The following MEI4 variants were observed in gnomAD, a reference collection of about 807,000 sequenced individuals.
MEI4 encodes the protein meiotic double-stranded break formation protein 4.
A neutral mutation model predicts 31.4 loss-of-function variants in MEI4; 27 were observed. The observed-to-expected ratio is 0.86, with a 90% confidence interval of 0.63 to 1.19. The LOEUF (loss-of-function observed/expected upper bound fraction) is 1.19. Ranked by LOEUF, MEI4 falls within the 50% of genes most tolerant of loss-of-function variation. The pLI is 0.00. For missense variants in MEI4, 329 were observed against 398.9 expected (o/e 0.82, Z 1.49); for synonymous variants, 122 against 145.4 (o/e 0.84, Z 1.16).
intron 2 of MEI4, among the ~76,000 whole-genome samples, chr6:77,727,628 G>C (rs1766861444): frequency 6.6e-6 from 1 of 152,196 alleles, no homozygotes; most frequent in Admixed American, 6.5e-5. Flanking sequence ...ATCTGTGATT[G>C]TCAGTAAGGT....
chr6:77,775,930 C>G (rs913898372), intron 3 of MEI4, among the ~76,000 whole-genome samples: 4 of 152,130 alleles, frequency 2.6e-5, no homozygotes, highest in African/African-American at 4.8e-5. Context: ...ATTTGCGCTT[C>G]CCTGATCATT....
At chr6:77,846,876 C>T (rs1371932201) in intron 4 of MEI4, among the ~76,000 whole-genome samples, 4 of 152,130 alleles carry the variant, frequency 2.6e-5, no homozygotes, top group Non-Finnish European at 5.9e-5. Context: ...GCCCCTCAAT[C>T]CCCCACCCTG....
intron 4 of MEI4, among the ~76,000 whole-genome samples, chr6:77,854,631 G>C (rs1287808122): frequency 1.3e-5 from 2 of 152,076 alleles, no homozygotes; most frequent in African/African-American, 4.8e-5. Context: ...TATCTACAGA[G>C]CTATATGTAG....
At chr6:77,699,393 C>A (rs944164735) in intron 2 of MEI4, among the ~76,000 whole-genome samples, 25 of 151,640 alleles carry the variant, frequency 1.6e-4, no homozygotes, top group African/African-American at 6.1e-4. Flanking sequence ...GGGGTTTCAC[C>A]GTTTTAGCCG....
chr6:77,848,003 C>T (rs1013106316), intron 4 of MEI4, among the ~76,000 whole-genome samples: 2 of 152,022 alleles, frequency 1.3e-5, no homozygotes, highest in African/African-American at 2.4e-5. Context: ...TGCAGGAATC[C>T]TTTGAGTTCT....
At chr6:77,800,810 G>A (rs1165014174) in intron 3 of MEI4, among the ~76,000 whole-genome samples, 4 of 152,124 alleles carry the variant, frequency 2.6e-5, no homozygotes, top group Non-Finnish European at 5.9e-5. Context: ...ATTTGCATAT[G>A]TTGAACCAGC....
chr6:77,915,344 A>G (rs879471172), intron 4 of MEI4, among the ~76,000 whole-genome samples: 58 of 152,136 alleles, frequency 3.8e-4, no homozygotes, highest in South Asian at 1.5e-3. Context: ...GAGTCTCATG[A>G]GATTTTGCTT....
chr6:77,797,125 T>C (rs1769100504), intron 3 of MEI4, among the ~76,000 whole-genome samples: 1 of 152,156 alleles, frequency 6.6e-6, no homozygotes, highest in Non-Finnish European at 1.5e-5. Context: ...GTTGGGAAAA[T>C]TGGATATCCA....
chr6:77,728,826 C>T (rs1766894606), intron 2 of MEI4, among the ~76,000 whole-genome samples: 1 of 152,176 alleles, frequency 6.6e-6, no homozygotes, highest in Non-Finnish European at 1.5e-5. Flanking sequence ...GAGGAAACAC[C>T]TGTTCCAGTG....
chr6:77,854,556 A>G (rs1042736686), intron 4 of MEI4, among the ~76,000 whole-genome samples: 5 of 152,068 alleles, frequency 3.3e-5, no homozygotes, highest in African/African-American at 1.2e-4. Flanking sequence ...TAAAGATAAG[A>G]AGGAGGAAAA....
In MEI4 at chr6:77,850,914, T is replaced by C. The variant is rs535870624; in HGVS notation, c.900+21852T>C. The stretch of plus-strand genomic sequence containing the variant: ...CGACAAAGGGCTAATATCCAGAATC[T>C]ACAAAGAACTCAAACAAATTTACAA... On this transcript the variant is annotated intron_variant, in intron 4 of 4. Coordinates refer to ENST00000684080, the MANE Select transcript of MEI4 (RefSeq NM_001322247.2). Among the ~76,000 whole-genome samples, 40 of 152,030 alleles carry C rather than the reference T, an allele frequency of 2.6e-4. 1 individual carries two copies. The South Asian group carries it at 8.3e-3, about 32-fold the overall frequency.
chr6:77,884,070 A>G (rs1771566261), intron 4 of MEI4, among the ~76,000 whole-genome samples: 1 of 151,936 alleles, frequency 6.6e-6, no homozygotes, highest in Non-Finnish European at 1.5e-5. Context: ...GTAAGATGAT[A>G]TCTCATTTTG....
intron 3 of MEI4, among the ~76,000 whole-genome samples, chr6:77,768,633 G>A (rs1030985191): frequency 6.6e-6 from 1 of 151,672 alleles, no homozygotes; most frequent in Admixed American, 6.6e-5. Flanking sequence ...CTGGGAGGCA[G>A]AGGTTGCAGT....
At chr6:77,920,858 C>G (rs564109534) in intron 4 of MEI4, among the ~76,000 whole-genome samples, 1 of 151,868 alleles carries the variant, frequency 6.6e-6, no homozygotes, top group African/African-American at 2.4e-5. Flanking sequence ...AGCTGTAAGT[C>G]TCAACAGTAG....
intron 4 of MEI4, among the ~76,000 whole-genome samples, chr6:77,886,554 C>T (rs1771624340): frequency 6.6e-6 from 1 of 152,054 alleles, no homozygotes; most frequent in African/African-American, 2.4e-5. Context: ...CCTCAGCCTC[C>T]CAAGTAGCTG....
chr6:77,896,289 A>T (rs2127733760), intron 4 of MEI4, among the ~76,000 whole-genome samples: 1 of 152,246 alleles, frequency 6.6e-6, no homozygotes, highest in South Asian at 2.1e-4. Context: ...CCAATGACCA[A>T]GAAAGTGATA....
chr6:77,891,121 G>C (rs914444037), intron 4 of MEI4, among the ~76,000 whole-genome samples: 1 of 152,176 alleles, frequency 6.6e-6, no homozygotes, highest in Admixed American at 6.5e-5. Flanking sequence ...TTGGAAATGA[G>C]CTTTCTGAGT....
chr6:77,690,749 C>T lies in MEI4; in HGVS notation c.78C>T (p.Asp26=). Residue 26 remains aspartate (D), a synonymous_variant, in exon 2 of 5, where the codon GAC becomes GAT. Transcript: ENST00000684080. ...ALAIIRSKPA[D]KSSREYTEHL... is the part of the protein sequence containing the mutation. Reference sequence around the variant, plus strand: ...CAATTATCCGCTCAAAACCAGCAGACAAAAGCAGCAGAGAATACACAGAGC... The same window carrying T: ...CAATTATCCGCTCAAAACCAGCAGATAAAAGCAGCAGAGAATACACAGAGC... The T allele has an allele frequency of 2.4e-6, 3 of 1,231,610 alleles. No homozygotes were observed. The highest frequency in any genetic ancestry group is 3.0e-6 in the Non-Finnish European group (3 of 987,448). The allele number at this position is 1,231,610 out of a possible 1,614,324, so 76.3% of individuals were successfully genotyped here. A position where few individuals can be genotyped will look rare whatever the true frequency, so the allele number is the denominator to read the frequency against.
intron 4 of MEI4, among the ~76,000 whole-genome samples, chr6:77,921,042 G>A (rs1297230509): frequency 6.6e-6 from 1 of 151,840 alleles, no homozygotes; most frequent in African/African-American, 2.4e-5. Context: ...TAACAGTAAA[G>A]TCAGCCAATC....
Sources: allele counts gnomAD v4.1 joint callset (sites outside exome capture counted in the v4.1 genomes callset), GRCh38; gene constraint gnomAD v4.1.1; transcripts MANE v1.5; gene names NCBI Gene and HGNC (gene_info 2026-07-23, HGNC 2026-07-21).